The following TRA2A variants were observed in gnomAD, a reference collection of about 807,000 sequenced individuals.
TRA2A encodes transformer-2 protein homolog alpha.
TRA2A carries 31 observed loss-of-function variants against 45.7 expected under a neutral mutation model. The ratio of observed to expected loss-of-function variants is 0.68; its 90% CI spans 0.51 to 0.92. The LOEUF is 0.92. TRA2A is among the 40% of genes least tolerant of loss of function. TRA2A has a pLI of 0.00. For missense variants in TRA2A, 304 were observed against 367.5 expected, an observed-to-expected ratio of 0.83 and a Z score of 1.41; for synonymous variants, 132 against 126.2, an observed-to-expected ratio of 1.05 and a Z score of -0.31.
intron 4 of TRA2A, 99 bp downstream of exon 4, chr7:23,512,795 A>T: frequency 9.4e-5 from 91 of 967,860 alleles, no homozygotes; most frequent in Non-Finnish European, 1.2e-4. Flanking sequence ...AAAGAAAAAA[A>T]GGAAGAAAAA....
At position 23,512,986 on chromosome 7, in the gene TRA2A, A is replaced by G. The variant is rs2127993593; in HGVS notation, c.433T>C (p.Leu145=). 2 of 1,614,096 alleles carry G rather than the reference A, an allele frequency of 1.2e-6. No homozygotes were observed. Among genetic ancestry groups the G allele is most frequent in the South Asian group, 1.1e-5 (1 of 91,080 alleles). Residue 145 remains leucine (L), a synonymous_variant, in exon 4 of 8, where the codon TTG becomes CTG. Transcript: ENST00000297071. The part of the protein sequence containing the change: ...LREVFSRYGP[L]SGVNVVYDQR... ...TCATAAACCACATTGACACCACTCA[A>G]TGGTCCATATCGAGAAAATACTTCA...
intron 4 of TRA2A, among the ~76,000 whole-genome samples, chr7:23,508,528 C>T (rs1789445380): frequency 6.6e-6 from 1 of 152,160 alleles, no homozygotes; most frequent in Admixed American, 6.6e-5. Flanking sequence ...AAGTTTCGCT[C>T]TTGTTGCACA....
chr7:23,507,171 G>T, intron 5 of TRA2A: 1 of 475,362 alleles, frequency 2.1e-6, no homozygotes, highest in Non-Finnish European at 3.7e-6. Flanking sequence ...TGTTGCCCAG[G>T]CTCACTGCAA....
At chr7:23,530,782 G>C (rs980618107) in intron 1 of TRA2A, among the ~76,000 whole-genome samples, 1 of 152,068 alleles carries the variant, frequency 6.6e-6, no homozygotes, top group African/African-American at 2.4e-5. Context: ...AGTGAGAAGA[G>C]AAATGGGAGA....
intron 2 of TRA2A, among the ~76,000 whole-genome samples, chr7:23,516,795 C>A (rs1319872481): frequency 2.0e-5 from 3 of 151,440 alleles, no homozygotes; most frequent in South Asian, 4.2e-4. Context: ...AAACAAAAAA[C>A]AAAAACCCAC....
chr7:23,512,755 G>A, intron 4 of TRA2A, 139 bp downstream of exon 4: 1 of 721,574 alleles, frequency 1.4e-6, no homozygotes, highest in Non-Finnish European at 2.1e-6. Context: ...ACCGCGCCTG[G>A]ACGCAAGATC....
At chr7:23,506,003 AAC>A (rs1789317864) in intron 6 of TRA2A, 133 bp downstream of exon 6, 1 of 828,974 alleles carries the variant, frequency 1.2e-6, no homozygotes, top group Admixed American at 2.5e-5. Context: ...ACAGACTGCT[AAC>A]TTCTGCTCCC....
At chr7:23,518,963 T>TA (rs759688818) in intron 2 of TRA2A, among the ~76,000 whole-genome samples, 5 of 151,896 alleles carry the variant, frequency 3.3e-5, no homozygotes, top group Non-Finnish European at 5.9e-5. Flanking sequence ...GCTGGGGTTA[T>TA]AGGCATGAGC....
chr7:23,518,842 C>T (rs940515796), intron 2 of TRA2A, among the ~76,000 whole-genome samples: 2 of 151,766 alleles, frequency 1.3e-5, no homozygotes, highest in South Asian at 2.1e-4. Context: ...TGTGCCACCA[C>T]ACCTGGCAAA....
chr7:23,517,297 A>G (rs1345371532), intron 2 of TRA2A, among the ~76,000 whole-genome samples: 1 of 150,304 alleles, frequency 6.7e-6, no homozygotes, highest in Non-Finnish European at 1.5e-5. Flanking sequence ...CCTGGCTAAC[A>G]TGGTGAAACC....
chr7:23,527,375 C>T (rs1418832638), intron 1 of TRA2A, among the ~76,000 whole-genome samples: 1 of 152,038 alleles, frequency 6.6e-6, no homozygotes, highest in Non-Finnish European at 1.5e-5. Context: ...CAATCTTTCC[C>T]TCATCTAGTT....
At chr7:23,531,297 G>C (rs1032953789) in intron 1 of TRA2A, 7 of 980,090 alleles carry the variant, frequency 7.1e-6, no homozygotes, top group Middle Eastern at 5.1e-4. Context: ...AGGAGACACA[G>C]GCCCCAGCTA....
intron 2 of TRA2A, among the ~76,000 whole-genome samples, chr7:23,520,207 C>T (rs1375245444): frequency 6.6e-6 from 1 of 152,186 alleles, no homozygotes; most frequent in Non-Finnish European, 1.5e-5. Context: ...CAGAGCGAGA[C>T]TCCATCTCAA....
chr7:23,512,885 C>G lies in TRA2A; in HGVS notation c.525+9G>C. On this transcript the variant is annotated intron_variant, in intron 4 of 7. Transcript: ENST00000297071. ...GTACTATAATCAGGCATATAAAAGA[C>G]AAATTTACCTCCTTTGAGTCATCTA... The G allele has an allele frequency of 6.3e-7, 1 of 1,596,032 alleles. No homozygotes were observed. The highest frequency in any genetic ancestry group is 8.5e-7 in the Non-Finnish European group (1 of 1,169,702).
intron 1 of TRA2A, among the ~76,000 whole-genome samples, chr7:23,528,137 C>T (rs1167472624): frequency 2.0e-5 from 3 of 152,148 alleles, no homozygotes; most frequent in Non-Finnish European, 4.4e-5. Flanking sequence ...AAGCAAAATG[C>T]TATGACATCT....
At chr7:23,506,288 C>A (rs1789336852) in intron 5 of TRA2A, 22 bp from the exon 6 acceptor site, 2 of 1,531,226 alleles carry the variant, frequency 1.3e-6, no homozygotes, top group African/African-American at 1.4e-5. Flanking sequence ...TGTAAAAATT[C>A]TCCATTAGTG....
chr7:23,526,118 G>A (rs1443699130), intron 1 of TRA2A, among the ~76,000 whole-genome samples: 1 of 152,076 alleles, frequency 6.6e-6, no homozygotes, highest in Non-Finnish European at 1.5e-5. Flanking sequence ...CAGGAAAAGG[G>A]TTATTATATA....
intron 2 of TRA2A, among the ~76,000 whole-genome samples, chr7:23,521,475 C>T (rs1465958293): frequency 6.6e-6 from 1 of 152,196 alleles, no homozygotes; most frequent in African/African-American, 2.4e-5. Flanking sequence ...TAGGGTCTCC[C>T]TGGCACCCAG....
chr7:23,507,407 C>A lies in TRA2A; in HGVS notation c.641+13G>T. The A allele has an allele frequency of 6.2e-7, 1 of 1,600,622 alleles. No homozygotes were observed. The highest frequency in any genetic ancestry group is 8.6e-7 in the Non-Finnish European group (1 of 1,168,860). On this transcript the variant is annotated intron_variant, in intron 5 of 7. Transcript: ENST00000297071. Reference sequence around the variant, plus strand: ...GGATTTCATAGTTTAGCTTAGGAAACTTGAACTCTTACTGAGTTGGTCTGC... The same window carrying A: ...GGATTTCATAGTTTAGCTTAGGAAAATTGAACTCTTACTGAGTTGGTCTGC...
Sources: gnomAD v4.1 joint callset for allele counts (sites outside exome capture counted in the v4.1 genomes callset) on GRCh38, gnomAD v4.1.1 for gene constraint, MANE v1.5 for transcripts, NCBI Gene and HGNC (gene_info 2026-07-23, HGNC 2026-07-21) for gene names.